OSGIN1: variants seen among roughly 807,000 people sequenced by gnomAD.
OSGIN1 encodes oxidative stress-induced growth inhibitor 1.
In OSGIN1, 19 loss-of-function variants were observed where a neutral mutation model predicts 20.1. The ratio of observed to expected loss-of-function variants is 0.95; its 90% CI spans 0.66 to 1.39. The LOEUF is 1.39. Ranked by LOEUF, OSGIN1 falls within the 40% of genes most tolerant of loss-of-function variation. The pLI, the probability that OSGIN1 is intolerant of heterozygous loss-of-function variation, is 0.00. For missense variants in OSGIN1, 820 were observed against 653.0 expected, an observed-to-expected ratio of 1.26 and a Z score of -2.79; for synonymous variants, 368 against 297.8, an observed-to-expected ratio of 1.24 and a Z score of -2.43.
chr16:83,961,318 A>T (rs1204155707), intron 5 of OSGIN1: 3 of 468,158 alleles, frequency 6.4e-6, no homozygotes, highest in Non-Finnish European at 1.2e-5. Context: ...TCGGTCTGGA[A>T]AGCTGGGCCA....
rs201121399 is a variant in OSGIN1 at position 83,965,242 on chromosome 16, C to G, written c.669C>G (p.Ser223Arg). Reference sequence around the variant, plus strand: ...ACTCCAGCCCCCTCTTCCAGGTGAGCGGCTTCCTGACCAGGAACCAGGCCC... The same window carrying G: ...ACTCCAGCCCCCTCTTCCAGGTGAGGGGCTTCCTGACCAGGAACCAGGCCC... Reference protein sequence around the residue: ...AQDSSPLFQVSGFLTRNQAQQ... With the variant: ...AQDSSPLFQVRGFLTRNQAQQ... The change falls in exon 6 of 6, where the codon AGC becomes AGG. Residue 223 changes from serine (S) to arginine (R), a missense_variant. Ser to Arg is a moderately radical substitution (Grantham distance 110). Coordinates refer to ENST00000393306, the MANE Select transcript of OSGIN1 (RefSeq NM_182981.3). The G allele has an allele frequency of 2.5e-6, 4 of 1,612,060 alleles. No homozygotes were observed. The highest frequency in any genetic ancestry group is 2.5e-6 in the Non-Finnish European group (3 of 1,179,462).
chr16:83,961,491 G>A (rs548463166), intron 5 of OSGIN1, among the ~76,000 whole-genome samples: 4 of 152,280 alleles, frequency 2.6e-5, no homozygotes, highest in African/African-American at 7.2e-5. Context: ...TGGAATGGGA[G>A]GCAGGGTGGC....
intron 5 of OSGIN1, among the ~76,000 whole-genome samples, chr16:83,963,703 G>C (rs1209459268): frequency 6.6e-6 from 1 of 152,142 alleles, no homozygotes. Context: ...GTCAGCTCCT[G>C]CTACATGTAG....
intron 1 of OSGIN1, chr16:83,954,744 CA>C: frequency 8.1e-6 from 8 of 984,994 alleles, no homozygotes; most frequent in Non-Finnish European, 9.6e-6. Context: ...CTTGGAGCCC[CA>C]AAGCCCTGGT....
intron 5 of OSGIN1, among the ~76,000 whole-genome samples, chr16:83,961,579 G>A (rs78191413): frequency 0.034 from 5,149 of 152,216 alleles, 136 homozygotes; most frequent in Non-Finnish European, 0.054. Flanking sequence ...CAGTGAGCCC[G>A]TGAGCCAGAG....
intron 5 of OSGIN1, 64 bp from the exon 6 acceptor site, chr16:83,964,998 G>T: frequency 4.6e-5 from 23 of 498,746 alleles, no homozygotes; most frequent in Non-Finnish European, 6.7e-5. Context: ...GACATCTCCC[G>T]TCCCACCCAG....
At chr16:83,963,845 T>G (rs558537936) in intron 5 of OSGIN1, among the ~76,000 whole-genome samples, 5 of 148,902 alleles carry the variant, frequency 3.4e-5, no homozygotes, top group African/African-American at 1.2e-4. Flanking sequence ...ATGCAAAGCC[T>G]GTCATTCAAC....
intron 1 of OSGIN1, chr16:83,954,197 G>A (rs1908820849): frequency 6.6e-6 from 1 of 152,232 alleles, no homozygotes; most frequent in Admixed American, 6.5e-5. Flanking sequence ...CTCCTGGGGT[G>A]TCTTCAAAGG....
Position 83,965,788 on chromosome 16 carries a change from G to T in OSGIN1, c.1215G>T (p.Leu405=). The T allele has an allele frequency of 6.2e-7, 1 of 1,613,090 alleles. No homozygotes were observed. Among genetic ancestry groups the T allele is most frequent in the Non-Finnish European group, 8.5e-7 (1 of 1,179,924 alleles). ...LIGSHPDLSF[L]PGAGADFAVD... ...GCTCCCACCCCGACCTCTCCTTCCT[G>T]CCTGGGGCAGGGGCTGACTTTGCAG... is the stretch of plus-strand genomic sequence containing the variant. Residue 405 remains leucine (L), a synonymous_variant, in exon 6 of 6, where the codon CTG becomes CTT. Coordinates refer to ENST00000393306, the MANE Select transcript of OSGIN1 (RefSeq NM_182981.3).
intron 1 of OSGIN1, among the ~76,000 whole-genome samples, chr16:83,955,855 G>C (rs1238301218): frequency 6.6e-6 from 1 of 152,164 alleles, no homozygotes; most frequent in Non-Finnish European, 1.5e-5. Context: ...AAGGGAGGAG[G>C]AGGTCTTCGG....
intron 5 of OSGIN1, among the ~76,000 whole-genome samples, chr16:83,964,170 G>A (rs753568964): frequency 2.0e-5 from 3 of 152,112 alleles, no homozygotes; most frequent in African/African-American, 4.8e-5. Flanking sequence ...CAGGTATGGC[G>A]CTGCATGCCT....
rs748605632 is a variant in OSGIN1 at position 83,965,220 on chromosome 16, C to G, written c.647C>G (p.Ser216Cys). The change falls in exon 6 of 6, where the codon TCC (serine) becomes TGC (cysteine). Residue 216 changes from serine (S) to cysteine (C), a missense_variant. Ser to Cys is a moderately radical substitution (Grantham distance 112). Transcript: ENST00000393306. ...CCCAGCAGCTGTGGGGCCCAGGACT[C>G]CAGCCCCCTCTTCCAGGTGAGCGGC... ...PDPSSCGAQD[S>C]SPLFQVSGFL... The G allele has an allele frequency of 3.2e-5, 51 of 1,612,848 alleles. No individual in the cohort carries two copies. Among genetic ancestry groups the G allele is most frequent in the Non-Finnish European group, 3.8e-5 (45 of 1,179,970 alleles).
Position 83,960,986 on chromosome 16 carries a change from C to T in OSGIN1, c.402C>T (p.Ile134=), listed in dbSNP as rs185295869. ...RNLPGGAWHS[I]EGSMVILSQG... ...AAGGGTTCCTTTCCCTGCAGTCCAT[C>T]GAAGGCTCCATGGTGATCCTGAGCC... Residue 134 remains isoleucine (I), a synonymous_variant, in exon 5 of 6, where the codon ATC becomes ATT. Transcript: ENST00000393306. The T allele has an allele frequency of 1.4e-5, 22 of 1,613,044 alleles. No individual in the cohort carries two copies. Among genetic ancestry groups the T allele is most frequent in the East Asian group, 4.5e-5 (2 of 44,884 alleles).
At chr16:83,956,897 G>T (rs558682345) in intron 1 of OSGIN1, 6 of 152,384 alleles carry the variant, frequency 3.9e-5, no homozygotes, top group South Asian at 2.1e-4. Flanking sequence ...ACCAGCACTT[G>T]GGTCCCTTTG....
chr16:83,961,706 C>A (rs2084215876), intron 5 of OSGIN1, among the ~76,000 whole-genome samples: 1 of 152,136 alleles, frequency 6.6e-6, no homozygotes, highest in Non-Finnish European at 1.5e-5. Context: ...AGCAGCAGAG[C>A]TGGGCTCACC....
chr16:83,960,995 C>A lies in OSGIN1; in HGVS notation c.411C>A (p.Ser137=), dbSNP rs762595064. 1.2e-6 allele frequency: 2 copies of A among 1,613,324 alleles called. No individual in the cohort carries two copies. The highest frequency in any genetic ancestry group is 1.7e-6 in the Non-Finnish European group (2 of 1,179,688). The change falls in exon 5 of 6, where the codon TCC becomes TCA. Residue 137 remains serine (S), a synonymous_variant. Transcript: ENST00000393306. The stretch of plus-strand genomic sequence containing the variant: ...TTTCCCTGCAGTCCATCGAAGGCTC[C>A]ATGGTGATCCTGAGCCAAGGCCAGT... ...PGGAWHSIEG[S]MVILSQGQWM... is the part of the protein sequence containing the mutation.
At position 83,965,302 on chromosome 16, in the gene OSGIN1, C is replaced by T. The variant is rs371180077; in HGVS notation, c.729C>T (p.Val243=). The change falls in exon 6 of 6, where the codon GTC becomes GTT. Residue 243 remains valine (V), a synonymous_variant. Transcript: ENST00000393306. ...QPFSLWARNV[V]LATGTFDSPA... ...TCTCGCTGTGGGCCCGCAACGTGGTCCTCGCCACAGGCACGTTCGACAGCC... is the reference window on the plus strand; with the variant it reads ...TCTCGCTGTGGGCCCGCAACGTGGTTCTCGCCACAGGCACGTTCGACAGCC... 9 of 1,596,164 alleles carry T rather than the reference C, an allele frequency of 5.6e-6. No homozygotes were observed. In the South Asian group the frequency reaches 9.0e-5, roughly 16 times the overall value.
rs758647848 is a variant in OSGIN1, at chr16:83,966,289, C to T, written c.*282C>T. ...CCCAGCCAGGAGACCTGCAGCCCTG[C>T]GCCTTCCAGAAGCAGGTCCCAAATA... On this transcript the variant is annotated 3_prime_UTR_variant, in exon 6 of 6. Coordinates refer to ENST00000393306, the MANE Select transcript of OSGIN1 (RefSeq NM_182981.3). The T allele has an allele frequency of 8.3e-6, 4 of 479,860 alleles. No homozygotes were observed. The highest frequency in any genetic ancestry group is 1.5e-5 in the Non-Finnish European group (4 of 273,370). The allele number at this position is 479,860 out of a possible 1,614,324, so 29.7% of individuals were successfully genotyped here.
At chr16:83,960,452 C>A in intron 3 of OSGIN1, 117 bp from the exon 4 acceptor site, 1 of 769,802 alleles carries the variant, frequency 1.3e-6, no homozygotes, top group Non-Finnish European at 2.1e-6. Context: ...TCTCTGAGAC[C>A]CTCCAGTGCC....
Sources: gnomAD v4.1 joint callset for allele counts (sites outside exome capture counted in the v4.1 genomes callset) on GRCh38, gnomAD v4.1.1 for gene constraint, MANE v1.5 for transcripts, NCBI Gene and HGNC (gene_info 2026-07-23, HGNC 2026-07-21) for gene names.